Variants in WDR70 observed in about 807,000 individuals in gnomAD.
WDR70 encodes WD repeat domain 70.
A neutral mutation model predicts 88.6 loss-of-function variants in WDR70; 53 were observed. The ratio of observed to expected loss-of-function variants is 0.60; its 90% CI spans 0.48 to 0.75. The LOEUF (loss-of-function observed/expected upper bound fraction) is 0.75. Among genes scored for constraint, WDR70 ranks in the 30% least tolerant of loss-of-function variants. The pLI is 0.00. For missense variants in WDR70, 610 were observed against 823.2 expected, an observed-to-expected ratio of 0.74 and a Z score of 3.17; for synonymous variants, 280 against 270.0, an observed-to-expected ratio of 1.04 and a Z score of -0.36.
chr5:37,380,239 T>C (rs1748383733), intron 2 of WDR70, among the ~76,000 whole-genome samples: 1 of 152,248 alleles, frequency 6.6e-6, no homozygotes, highest in Non-Finnish European at 1.5e-5. Flanking sequence ...TGTTTTCTTT[T>C]GACCAGCGTG....
intron 3 of WDR70, among the ~76,000 whole-genome samples, chr5:37,385,306 G>A (rs186041222): frequency 1.3e-5 from 2 of 151,940 alleles, no homozygotes; most frequent in African/African-American, 4.8e-5. Context: ...GATCACTTGA[G>A]CCCAGGAGTT....
chr5:37,479,880 C>T lies in WDR70; in HGVS notation c.733C>T (p.Leu245Phe), dbSNP rs2112156799. 3 of 1,614,012 alleles carry T rather than the reference C, an allele frequency of 1.9e-6. No individual in the cohort carries two copies. Among genetic ancestry groups the T allele is most frequent in the Non-Finnish European group, 2.5e-6 (3 of 1,179,996 alleles). Residue 245 changes from leucine to phenylalanine, a missense_variant, in exon 8 of 18, where the codon CTT (leucine) becomes TTT (phenylalanine). Leu to Phe is a conservative substitution (Grantham distance 22). Coordinates refer to ENST00000265107, the MANE Select transcript of WDR70 (RefSeq NM_018034.4). Reference protein sequence around the residue: ...LQYSNTGDMILVVSGSSQAKV... With the variant: ...LQYSNTGDMIFVVSGSSQAKV... ...GTATAGTAACACAGGAGACATGATT[C>T]TTGTTGTATCTGGAAGCTCTCAGGC...
At chr5:37,476,032 G>A (rs989284119) in intron 7 of WDR70, among the ~76,000 whole-genome samples, 2 of 151,404 alleles carry the variant, frequency 1.3e-5, no homozygotes, top group Non-Finnish European at 2.9e-5. Flanking sequence ...TGCATTTTTA[G>A]TATAGATGGG....
intron 10 of WDR70, among the ~76,000 whole-genome samples, chr5:37,691,390 C>A (rs984145400): frequency 6.6e-6 from 1 of 152,168 alleles, no homozygotes; most frequent in African/African-American, 2.4e-5. Flanking sequence ...CTCTCCATCC[C>A]GAATCAACAG....
chr5:37,553,405 G>T (rs1742203171), intron 9 of WDR70, among the ~76,000 whole-genome samples: 3 of 152,078 alleles, frequency 2.0e-5, no homozygotes, highest in African/African-American at 4.8e-5. Context: ...TGTACTAAAG[G>T]CTGATCCTGT....
chr5:37,505,729 C>G (rs1480211650), intron 8 of WDR70: 3 of 1,262,160 alleles, frequency 2.4e-6, no homozygotes, highest in Non-Finnish European at 3.5e-6. Context: ...GTCAGCATCT[C>G]TTCAAATATA....
rs1747021815 is a variant in WDR70, at chr5:37,697,686, A to T, written c.1124A>T (p.His375Leu). The T allele has an allele frequency of 6.2e-7, 1 of 1,613,796 alleles. No individual in the cohort carries two copies. Among genetic ancestry groups the T allele is most frequent in the Non-Finnish European group, 8.5e-7 (1 of 1,179,732 alleles). ...VHPKFHYKQA[H>L]DSGTDTSCVT... ...CCTAAGTTCCACTATAAACAGGCTC[A>T]TGACTCGGGCACAGACACTTCTTGC... Residue 375 changes from histidine (H) to leucine (L), a missense_variant, in exon 11 of 18, where the codon CAT (histidine) becomes CTT (leucine). This residue lies in a region of WDR70 where 254 missense variants were observed against 300.7 expected (regional missense o/e 0.84). Coordinates refer to ENST00000265107, the MANE Select transcript of WDR70 (RefSeq NM_018034.4).
intron 7 of WDR70, among the ~76,000 whole-genome samples, chr5:37,466,266 A>T (rs1739146692): frequency 6.6e-6 from 1 of 152,122 alleles, no homozygotes. Context: ...TACTTAACTT[A>T]GTATTTCATT....
chr5:37,443,186 T>C (rs1159826446), intron 6 of WDR70, 53 bp from the exon 7 acceptor site: 3 of 1,540,336 alleles, frequency 1.9e-6, no homozygotes, highest in East Asian at 2.4e-5. Flanking sequence ...GAGGTTATAA[T>C]TGACCATATG....
intron 17 of WDR70, among the ~76,000 whole-genome samples, chr5:37,739,401 T>A (rs1358701563): frequency 6.6e-6 from 1 of 152,246 alleles, no homozygotes; most frequent in Non-Finnish European, 1.5e-5. Flanking sequence ...GGAGATAATC[T>A]GCCATGAGGC....
chr5:37,484,465 G>GAA (rs1209566390), intron 8 of WDR70, among the ~76,000 whole-genome samples: 1 of 152,180 alleles, frequency 6.6e-6, no homozygotes, highest in African/African-American at 2.4e-5. Flanking sequence ...TGAGGCAGGA[G>GAA]AATCAGGCAG....
chr5:37,500,193 G>C (rs1469144466), intron 8 of WDR70, among the ~76,000 whole-genome samples: 1 of 152,158 alleles, frequency 6.6e-6, no homozygotes, highest in Non-Finnish European at 1.5e-5. Flanking sequence ...ACAGTATTTA[G>C]TTTTCCATTC....
chr5:37,638,517 C>T (rs533510202), intron 10 of WDR70, among the ~76,000 whole-genome samples: 6 of 152,268 alleles, frequency 3.9e-5, no homozygotes, highest in African/African-American at 1.4e-4. Flanking sequence ...CAGTACTTGG[C>T]AAGGTAGTAA....
chr5:37,630,193 C>G (rs1744773118), intron 10 of WDR70, among the ~76,000 whole-genome samples: 1 of 152,116 alleles, frequency 6.6e-6, no homozygotes, highest in Non-Finnish European at 1.5e-5. Context: ...GAGTCTGGCT[C>G]ACTGGGGTTG....
intron 7 of WDR70, among the ~76,000 whole-genome samples, chr5:37,471,726 T>C (rs1739331441): frequency 6.6e-6 from 1 of 152,038 alleles, no homozygotes; most frequent in South Asian, 2.1e-4. Context: ...AGTTTAGATA[T>C]ATTACTTTTA....
At chr5:37,676,167 A>G (rs1217097100) in intron 10 of WDR70, among the ~76,000 whole-genome samples, 1 of 151,282 alleles carries the variant, frequency 6.6e-6, no homozygotes, top group Non-Finnish European at 1.5e-5. Context: ...ATATACAATC[A>G]TGTCATCTGC....
chr5:37,748,021 C>T (rs905654792), intron 17 of WDR70, among the ~76,000 whole-genome samples: 12 of 152,322 alleles, frequency 7.9e-5, no homozygotes, highest in Admixed American at 7.8e-4. Flanking sequence ...ATTCAATCCT[C>T]ATGAATAGGA....
chr5:37,680,625 AG>A (rs1244520664), intron 10 of WDR70, among the ~76,000 whole-genome samples: 2 of 152,198 alleles, frequency 1.3e-5, no homozygotes, highest in African/African-American at 4.8e-5. Context: ...ATGGCTAGCC[AG>A]TTCTCCTAGC....
intron 10 of WDR70, among the ~76,000 whole-genome samples, chr5:37,656,700 G>T (rs1049708186): frequency 6.6e-6 from 1 of 152,234 alleles, no homozygotes; most frequent in East Asian, 1.9e-4. Context: ...CTGAGCTGTG[G>T]TGGGCTCTGC....
Sources: allele counts gnomAD v4.1 joint callset (sites outside exome capture counted in the v4.1 genomes callset), GRCh38; gene constraint gnomAD v4.1.1; regional missense constraint gnomAD v4.1.1; transcripts MANE v1.5; gene names NCBI Gene and HGNC (gene_info 2026-07-23, HGNC 2026-07-21).